The following TMEM200A variants were observed in gnomAD, a reference collection of about 807,000 sequenced individuals.
TMEM200A encodes the protein transmembrane protein 200A, also known as two transmembrane C.
Under a neutral mutation model 24.3 loss-of-function variants are expected in TMEM200A, and 12 were observed. The ratio of observed to expected loss-of-function variants is 0.49; its 90% confidence interval spans 0.32 to 0.80. The LOEUF (loss-of-function observed/expected upper bound fraction) is 0.80. Among genes scored for constraint, TMEM200A ranks in the 30% least tolerant of loss-of-function variants. The probability of loss-of-function intolerance (pLI) is 0.04; values close to 1 mark genes in which losing one functional copy is unlikely to be tolerated. For missense variants in TMEM200A, 545 were observed against 614.4 expected, an observed-to-expected ratio of 0.89 and a Z score of 1.19; for synonymous variants, 224 against 224.4, an observed-to-expected ratio of 1.00 and a Z score of 0.02.
chr6:130,414,588 A>G (rs1196415555), intron 2 of TMEM200A, among the ~76,000 whole-genome samples: 1 of 152,196 alleles, frequency 6.6e-6, no homozygotes, highest in Non-Finnish European at 1.5e-5. Flanking sequence ...ATGAATTTTC[A>G]TTAAGAGTGC....
At chr6:130,439,153 ATTATTCTGCTCT>A (rs1427488680) in intron 2 of TMEM200A, 1 of 152,232 alleles carries the variant, frequency 6.6e-6, no homozygotes, top group Non-Finnish European at 1.5e-5. Flanking sequence ...ATATTTTATC[ATTATTCTGCTCT>A]TTAAACAACT....
intron 2 of TMEM200A, chr6:130,438,560 T>C (rs1780074919): frequency 6.6e-6 from 1 of 152,214 alleles, no homozygotes; most frequent in Admixed American, 6.5e-5. Flanking sequence ...TTGCTTTTTG[T>C]TTGGATATTA....
intron 2 of TMEM200A, among the ~76,000 whole-genome samples, chr6:130,423,979 A>G (rs1243575881): frequency 6.6e-6 from 1 of 152,212 alleles, no homozygotes; most frequent in South Asian, 2.1e-4. Context: ...GTTGCAAGTT[A>G]TCAAAGACAG....
rs949583707 is a variant in TMEM200A, at chr6:130,441,411, C to A, written c.989C>A (p.Pro330His). Residue 330 changes from proline (P) to histidine (H), a missense_variant, in exon 3 of 3, where the codon CCT becomes CAT. By Grantham distance (77) the Pro-to-His change is moderately conservative. Coordinates refer to ENST00000296978, the MANE Select transcript of TMEM200A (RefSeq NM_001258277.2). The stretch of plus-strand genomic sequence containing the variant: ...TTGTCAATGGATTCCCTTGTGGTTC[C>A]TTTGCCCAACACCAGTGAATCCTTC... ...RNLSMDSLVV[P>H]LPNTSESFQP... 8.7e-6 allele frequency: 14 copies of A among 1,614,066 alleles called. No individual in the cohort carries two copies. The highest frequency in any genetic ancestry group is 1.2e-5 in the Non-Finnish European group (14 of 1,179,998).
At chr6:130,371,951 G>A (rs927108654) in intron 1 of TMEM200A, among the ~76,000 whole-genome samples, 2 of 152,200 alleles carry the variant, frequency 1.3e-5, no homozygotes, top group Non-Finnish European at 1.5e-5. Context: ...AAGGCCATGC[G>A]CCTTAGATAC....
At chr6:130,406,172 GT>G (rs1180775350) in intron 2 of TMEM200A, among the ~76,000 whole-genome samples, 1 of 152,000 alleles carries the variant, frequency 6.6e-6, no homozygotes, top group Non-Finnish European at 1.5e-5. Flanking sequence ...ATATAGCCGA[GT>G]TTTTTTCTGT....
chr6:130,395,171 C>G (rs1047577992), intron 2 of TMEM200A, among the ~76,000 whole-genome samples: 1 of 152,190 alleles, frequency 6.6e-6, no homozygotes, highest in Non-Finnish European at 1.5e-5. Flanking sequence ...TCCCCATTTC[C>G]CTCAGAAACA....
chr6:130,373,297 G>A (rs899185116), intron 1 of TMEM200A, among the ~76,000 whole-genome samples: 7 of 152,146 alleles, frequency 4.6e-5, no homozygotes, highest in East Asian at 1.9e-4. Context: ...TCATAAAGGC[G>A]ATACACACTC....
In TMEM200A at chr6:130,385,598, G is replaced by A. The variant is rs147154858; in HGVS notation, c.-17+362G>A. On this transcript the variant is annotated intron_variant, in intron 2 of 2. Coordinates refer to ENST00000296978, the MANE Select transcript of TMEM200A (RefSeq NM_001258277.2). ...TCCACTCAAATCCCCAAGAGAAAAGGCCCTTAATTAGAAGCTCATTGACTA... is the reference window on the plus strand; with the variant it reads ...TCCACTCAAATCCCCAAGAGAAAAGACCCTTAATTAGAAGCTCATTGACTA... 1.3e-3 allele frequency among the ~76,000 whole-genome samples: 201 copies of A among 152,168 alleles called. 1 individual carries two copies. The highest frequency in any genetic ancestry group is 4.6e-3 in the African/African-American group (192 of 41,516).
chr6:130,443,049 G>C lies in TMEM200A; in HGVS notation c.*1151G>C, dbSNP rs971071725. 3.0e-5 allele frequency: 5 copies of C among 166,462 alleles called. No individual in the cohort carries two copies. The highest frequency in any genetic ancestry group is 1.2e-4 in the African/African-American group (5 of 41,392). 10.3% of individuals were successfully genotyped at this position (166,462 alleles called of 1,614,324 possible). The stretch of plus-strand genomic sequence containing the variant: ...CACTGAAGATAATAAATATTAAAAT[G>C]GATGTTTTCATCAGAAAATTTTCAT... On this transcript the variant is annotated 3_prime_UTR_variant, in exon 3 of 3. Transcript: ENST00000296978.
chr6:130,369,883 A>G (rs1176946764), intron 1 of TMEM200A, among the ~76,000 whole-genome samples: 1 of 152,130 alleles, frequency 6.6e-6, no homozygotes, highest in Non-Finnish European at 1.5e-5. Flanking sequence ...CCAAGGGGGG[A>G]CAAGTCTCTG....
chr6:130,388,492 G>A (rs991599135), intron 2 of TMEM200A, among the ~76,000 whole-genome samples: 2 of 152,320 alleles, frequency 1.3e-5, no homozygotes, highest in African/African-American at 4.8e-5. Flanking sequence ...TGTTTCTGTA[G>A]ATGTTAAATG....
chr6:130,429,657 A>G (rs373347818), intron 2 of TMEM200A, among the ~76,000 whole-genome samples: 1 of 152,196 alleles, frequency 6.6e-6, no homozygotes, highest in East Asian at 1.9e-4. Flanking sequence ...CCATAAAATT[A>G]CCGGAAAGAA....
chr6:130,419,256 T>C (rs1779525959), intron 2 of TMEM200A, among the ~76,000 whole-genome samples: 1 of 152,198 alleles, frequency 6.6e-6, no homozygotes, highest in Admixed American at 6.5e-5. Context: ...GGTTTTACTA[T>C]TTTTTGTGGC....
intron 2 of TMEM200A, chr6:130,439,422 C>T (rs1372044160): frequency 1.3e-5 from 2 of 152,206 alleles, no homozygotes; most frequent in Non-Finnish European, 2.9e-5. Flanking sequence ...AATCTGAGAA[C>T]TGACCCTGCT....
upstream of TMEM200A, chr6:130,365,990 A>T: frequency 1.0e-6 from 1 of 985,204 alleles, no homozygotes; most frequent in South Asian, 4.7e-5. Context: ...TCGGGGCTTT[A>T]TGGCGTGAGG....
intron 2 of TMEM200A, among the ~76,000 whole-genome samples, chr6:130,434,796 G>C (rs1296946991): frequency 6.6e-6 from 1 of 152,080 alleles, no homozygotes. Flanking sequence ...ACCCAAGAGA[G>C]GCAAGCAGAC....
At position 130,387,197 on chromosome 6, in the gene TMEM200A, A is replaced by T. The variant is rs117697375; in HGVS notation, c.-17+1961A>T. 4.8e-3 allele frequency among the ~76,000 whole-genome samples: 728 copies of T among 152,342 alleles called. 2 individuals carry two copies. Among genetic ancestry groups the T allele is most frequent in the Non-Finnish European group, 7.8e-3 (528 of 68,038 alleles). On this transcript the variant is annotated intron_variant, in intron 2 of 2. Coordinates refer to ENST00000296978, the MANE Select transcript of TMEM200A (RefSeq NM_001258277.2). ...CTGTGTTTATAGTAAAAATAATATA[A>T]CAGCATTAAAGTCTATTGCAAAATC...
intron 2 of TMEM200A, among the ~76,000 whole-genome samples, chr6:130,423,745 G>A (rs1248213772): frequency 6.6e-6 from 1 of 152,024 alleles, no homozygotes; most frequent in African/African-American, 2.4e-5. Context: ...CAGAAATTAT[G>A]CCTCCAAATA....
Sources: allele counts gnomAD v4.1 joint callset (sites outside exome capture counted in the v4.1 genomes callset), GRCh38; gene constraint gnomAD v4.1.1; transcripts MANE v1.5; gene names NCBI Gene and HGNC (gene_info 2026-07-23, HGNC 2026-07-21).